The following SYNE2 variants were observed in gnomAD, a reference collection of about 807,000 sequenced individuals.
The protein encoded by SYNE2 is spectrin repeat containing nuclear envelope protein 2.
Under a neutral mutation model 856.3 loss-of-function variants are expected in SYNE2, and 431 were observed. That is an observed-to-expected ratio of 0.50 (90% CI 0.47 to 0.55). The LOEUF is 0.55. Ranked by LOEUF, SYNE2 falls within the 20% of genes least tolerant of loss-of-function variation. SYNE2 has a pLI of 0.00. For synonymous variants in SYNE2, 2,923 were observed against 2,872.3 expected, an observed-to-expected ratio of 1.02 and a Z score of -0.56; for missense variants, 8,129 against 8,023.2, an observed-to-expected ratio of 1.01 and a Z score of -0.50.
intron 24 of SYNE2, 45 bp downstream of exon 24, chr14:63,997,203 C>T (rs151291755): frequency 1.9e-6 from 3 of 1,596,046 alleles, no homozygotes; most frequent in African/African-American, 2.7e-5. Flanking sequence ...TAAAACGAAG[C>T]CTTTTGCACG....
At position 64,137,794 on chromosome 14, in the gene SYNE2, A is replaced by G; in HGVS notation, c.14654A>G (p.Lys4885Arg). The change falls in exon 79 of 116, where the codon AAA (lysine) becomes AGA (arginine). Residue 4885 changes from lysine to arginine, a missense_variant. Lys to Arg is a conservative substitution (Grantham distance 26, BLOSUM62 2). Coordinates refer to ENST00000555002, the MANE Select transcript of SYNE2 (RefSeq NM_182914.3). The part of the protein sequence containing the change: ...VERISFYQQI[K>R]RNIGGKHARL... ...GACTTTACTTTTTATTAGCAAATAA[A>G]AAGAAACATTGGTGGAAAACACGCC... 1.2e-6 allele frequency: 2 copies of G among 1,614,194 alleles called. No homozygotes were observed. The highest frequency in any genetic ancestry group is 1.7e-6 in the Non-Finnish European group (2 of 1,180,028).
chr14:63,843,036 AT>A (rs1032026904), intron 1 of SYNE2, among the ~76,000 whole-genome samples: 4 of 150,486 alleles, frequency 2.7e-5, no homozygotes, highest in Non-Finnish European at 4.4e-5. Context: ...TGTTAATTTA[AT>A]TTTTTTTTGA....
intron 1 of SYNE2, among the ~76,000 whole-genome samples, chr14:63,839,090 C>T (rs1399574318): frequency 2.0e-5 from 3 of 151,788 alleles, no homozygotes; most frequent in African/African-American, 7.3e-5. Context: ...GAATCAGTGG[C>T]GTGATCTTGG....
chr14:63,776,631 A>C (rs1595099456), intron 1 of SYNE2, among the ~76,000 whole-genome samples: 2 of 131,194 alleles, frequency 1.5e-5, no homozygotes, highest in East Asian at 2.2e-4. Context: ...ACAGAGTCTC[A>C]CTCTGTTGCC....
intron 1 of SYNE2, among the ~76,000 whole-genome samples, chr14:63,876,810 A>G (rs1052512975): frequency 1.8e-4 from 27 of 152,068 alleles, no homozygotes; most frequent in African/African-American, 6.5e-4. Context: ...TTTTAACTGC[A>G]TTGCTAATCG....
chr14:63,899,703 T>G (rs1256857548), intron 1 of SYNE2, among the ~76,000 whole-genome samples: 3 of 152,124 alleles, frequency 2.0e-5, no homozygotes, highest in African/African-American at 7.2e-5. Context: ...GGTTTTACCA[T>G]GTTGCCTAGG....
chr14:63,970,651 C>CTTTTTTTTTTTTTTTTT (rs61126600), intron 11 of SYNE2, among the ~76,000 whole-genome samples: 49 of 98,884 alleles, frequency 5.0e-4, no homozygotes, highest in Non-Finnish European at 6.5e-4. Flanking sequence ...TTTCTTTTTT[C>CTTTTTTTTTTTTTTTTT]TTTTTTTTTT....
intron 42 of SYNE2, among the ~76,000 whole-genome samples, chr14:64,027,184 A>G (rs1179625189): frequency 6.6e-6 from 1 of 152,210 alleles, no homozygotes; most frequent in Non-Finnish European, 1.5e-5. Flanking sequence ...GAAGTAAAGT[A>G]TGGGAAAATA....
chr14:64,225,155 G>A (rs1390121497), intron 115 of SYNE2, 110 bp downstream of exon 115: 2 of 1,546,614 alleles, frequency 1.3e-6, no homozygotes, highest in Admixed American at 1.8e-5. Context: ...GTTTTCTTTT[G>A]TCTGGAAAGG....
chr14:63,892,499 T>C (rs1011320475), intron 1 of SYNE2, among the ~76,000 whole-genome samples: 1 of 151,880 alleles, frequency 6.6e-6, no homozygotes, highest in African/African-American at 2.4e-5. Context: ...AGGAAGATAT[T>C]TGAAGTCAAT....
intron 65 of SYNE2, 125 bp from the exon 66 acceptor site, chr14:64,113,216 C>T: frequency 6.5e-7 from 1 of 1,544,402 alleles, no homozygotes; most frequent in Non-Finnish European, 8.7e-7. Context: ...TTTCTCTTTT[C>T]TTTCTTCCTT....
At chr14:64,094,791 A>G (rs931952417) in intron 61 of SYNE2, among the ~76,000 whole-genome samples, 2 of 152,230 alleles carry the variant, frequency 1.3e-5, no homozygotes, top group African/African-American at 4.8e-5. Flanking sequence ...TCCATTGATA[A>G]CTAAATTAAA....
At chr14:64,215,717 T>C in intron 107 of SYNE2, 1 of 388,456 alleles carries the variant, frequency 2.6e-6, no homozygotes, top group South Asian at 3.1e-5. Context: ...TTTACTGGGA[T>C]CCCCTGGTGG....
chr14:64,032,768 T>C (rs1451692535), intron 45 of SYNE2, among the ~76,000 whole-genome samples: 2 of 152,180 alleles, frequency 1.3e-5, no homozygotes, highest in Non-Finnish European at 2.9e-5. Flanking sequence ...AGATGGGGTT[T>C]CTCTAATTTT....
At position 64,189,094 on chromosome 14, in the gene SYNE2, G is replaced by T; in HGVS notation, c.17871+386G>T. The T allele has an allele frequency of 4.6e-6, 3 of 656,070 alleles. No homozygotes were observed. The South Asian group carries it at 5.2e-5, about 11-fold the overall frequency. The allele number at this position is 656,070 out of a possible 1,614,324, so 40.6% of individuals were successfully genotyped here. On this transcript the variant is annotated intron_variant, in intron 98 of 115. Coordinates refer to ENST00000555002, the MANE Select transcript of SYNE2 (RefSeq NM_182914.3). ...CATTGCTGTAATCCTAGCACTTTGG[G>T]AGGCCAAGGCGGGTGGATCACCTGA...
chr14:64,135,474 A>C (rs2098079827), intron 78 of SYNE2, among the ~76,000 whole-genome samples: 1 of 152,004 alleles, frequency 6.6e-6, no homozygotes, highest in African/African-American at 2.4e-5. Flanking sequence ...CTCTAAGGTA[A>C]ATCTGAGTCC....
chr14:64,071,814 C>T (rs946980822), intron 52 of SYNE2, among the ~76,000 whole-genome samples: 4 of 151,674 alleles, frequency 2.6e-5, no homozygotes, highest in East Asian at 2.0e-4. Flanking sequence ...GTCAGGAGTT[C>T]GAGACTGGCC....
chr14:63,783,169 A>G (rs750712979), intron 1 of SYNE2, among the ~76,000 whole-genome samples: 3 of 152,138 alleles, frequency 2.0e-5, no homozygotes, highest in Non-Finnish European at 4.4e-5. Flanking sequence ...TGCTATTCTC[A>G]TGATAGTGAA....
chr14:64,053,652 C>A lies in SYNE2; in HGVS notation c.9739C>A (p.Arg3247Ser). Residue 3247 changes from arginine (R) to serine (S), a missense_variant, in exon 48 of 116, where the codon CGC (arginine) becomes AGC (serine). This residue lies in a region of SYNE2 where 5,410 missense variants were observed against 5,284.8 expected (regional missense o/e 1.02). Transcript: ENST00000555002. The stretch of plus-strand genomic sequence containing the variant: ...GCAGCTTAACACAAGCATTGATTTG[C>A]GCACAGTAAGTTTTAAAAATTATGC... ...QMQLNTSIDL[R>S]TNVLNDAYEN... is the part of the protein sequence containing the mutation. The A allele has an allele frequency of 6.2e-7, 1 of 1,612,676 alleles. No homozygotes were observed. The highest frequency in any genetic ancestry group is 1.1e-5 in the South Asian group (1 of 90,816).
Sources: gnomAD v4.1 joint callset for allele counts (sites outside exome capture counted in the v4.1 genomes callset) on GRCh38, gnomAD v4.1.1 for gene constraint, gnomAD v4.1.1 regional missense constraint, MANE v1.5 for transcripts, NCBI Gene and HGNC (gene_info 2026-07-23, HGNC 2026-07-21) for gene names.